PVRIG: variants seen among roughly 807,000 people sequenced by gnomAD.
The protein encoded by PVRIG is PVR related immunoglobulin domain containing, also known as transmembrane protein PVRIG.
Under a neutral mutation model 21.9 loss-of-function variants are expected in PVRIG, and 16 were observed. That is an observed-to-expected ratio of 0.73 (90% confidence interval 0.50 to 1.11). PVRIG has a LOEUF of 1.11. Among genes scored for constraint, PVRIG ranks in the 50% most tolerant of loss-of-function variants. PVRIG has a pLI of 0.00. For synonymous variants in PVRIG, 190 were observed against 181.0 expected (o/e 1.05, Z -0.40); for missense variants, 435 against 445.7 (o/e 0.98, Z 0.22).
exon 3 of PVRIG, chr7:100,220,223 C>G: frequency 6.3e-7 from 1 of 1,591,578 alleles, no homozygotes; most frequent in East Asian, 2.3e-5. Context: ...TGACTGTGAG[C>G]TGGGGGGGCC....
Position 100,219,968 on chromosome 7 carries a change from G to A in PVRIG, c.58G>A (p.Ala20Thr), listed in dbSNP as rs538218066. The A allele has an allele frequency of 3.0e-5, 48 of 1,578,138 alleles. 1 individual carries two copies. In the East Asian group the frequency reaches 1.1e-3, roughly 35 times the overall value. The change falls in exon 2 of 6, where the codon GCC (alanine) becomes ACC (threonine). Residue 20 changes from alanine to threonine, a missense_variant. Ala to Thr is a moderately conservative substitution (Grantham distance 58). Coordinates refer to ENST00000317271, the Ensembl canonical transcript of PVRIG. ...GCCCCCAGAACCTGGACTGGAGGGG[G>A]CCATGGGGCACCGGACCCTGGTCCT...
At chr7:100,221,187 G>T in exon 6 of PVRIG, 1 of 1,610,998 alleles carries the variant, frequency 6.2e-7, no homozygotes, top group Non-Finnish European at 8.5e-7. Flanking sequence ...ACTGGTCCCG[G>T]CCTCACTCTT....
rs375915346 is a variant in PVRIG at position 100,220,077 on chromosome 7, A to G, written c.119-37A>G. 7.9e-5 allele frequency: 127 copies of G among 1,603,134 alleles called. No individual in the cohort carries two copies. In the African/African-American group the frequency reaches 1.6e-3, roughly 20 times the overall value. On this transcript the variant is annotated intron_variant, in intron 2 of 5. Coordinates refer to ENST00000317271, the Ensembl canonical transcript of PVRIG. ...GCAGGGGCTGCAGGGAGGGTGATGT[A>G]GGACAACAGCCCACCGACCTTGCTG... is the stretch of plus-strand genomic sequence containing the variant.
rs201856689 is a variant in PVRIG, at chr7:100,220,833, C to G, written c.657+13C>G. The G allele has an allele frequency of 1.1e-5, 18 of 1,607,636 alleles. No homozygotes were observed. Among genetic ancestry groups the G allele is most frequent in the South Asian group, 2.2e-5 (2 of 90,894 alleles). On this transcript the variant is annotated intron_variant, in intron 5 of 5. Coordinates refer to ENST00000317271, the Ensembl canonical transcript of PVRIG. ...AGCACGAGCATGGGTGAGGAGGGGA[C>G]CTGCTTTGGGGATGAGGTGACAGGG...
In PVRIG at chr7:100,220,049, G is replaced by A. The variant is rs762784537; in HGVS notation, c.118+21G>A. The A allele has an allele frequency of 5.0e-6, 8 of 1,604,690 alleles. No homozygotes were observed. The South Asian group carries it at 9.0e-5, about 18-fold the overall frequency. On this transcript the variant is annotated intron_variant, in intron 2 of 5. Coordinates refer to ENST00000317271, the Ensembl canonical transcript of PVRIG. ...TGCGGGTGAGTGCCGGCACCAGAGA[G>A]GGGCAGGGGCTGCAGGGAGGGTGAT...
rs1803210558 is a variant in PVRIG at position 100,221,023 on chromosome 7, T to TG, written c.759dup (p.Pro254AlafsTer36). ...CTACTTTGGACACAGCTCACCCCCATGGGGGGCCGTCCTGGTGGGCGTCAC... is the reference window on the plus strand; with the variant it reads ...CTACTTTGGACACAGCTCACCCCCATGGGGGGGCCGTCCTGGTGGGCGTCAC... On this transcript the variant is annotated frameshift_variant, in exon 6 of 6. Transcript: ENST00000317271. LOFTEE classifies it low-confidence loss of function (END_TRUNC). The TG allele has an allele frequency of 3.7e-6, 6 of 1,612,438 alleles. No individual in the cohort carries two copies. Among genetic ancestry groups the TG allele is most frequent in the Non-Finnish European group, 5.1e-6 (6 of 1,179,008 alleles).
chr7:100,219,878 G>A (rs1464639432), exon 2 of PVRIG: 16 of 1,514,454 alleles, frequency 1.1e-5, no homozygotes, highest in African/African-American at 6.9e-5. Context: ...GGAAGTGGCT[G>A]TTTGGCTGCT....
chr7:100,220,391 C>T (rs778281002), exon 3 of PVRIG: 3 of 1,587,674 alleles, frequency 1.9e-6, no homozygotes, highest in Non-Finnish European at 2.6e-6. Flanking sequence ...ACACCACCTT[C>T]TGCTGCAAGT....
In PVRIG at chr7:100,219,936, C is replaced by T. The variant is rs778091190; in HGVS notation, c.26C>T (p.Ala9Val). ...ATGAGAACAGAGGCACAGGTGCCGGCCCTGCAGCCCCCAGAACCTGGACTG... is the reference window on the plus strand; with the variant it reads ...ATGAGAACAGAGGCACAGGTGCCGGTCCTGCAGCCCCCAGAACCTGGACTG... Residue 9 changes from alanine to valine, a missense_variant, in exon 2 of 6, where the codon GCC (alanine) becomes GTC (valine). Transcript: ENST00000317271. 109 of 1,550,372 alleles carry T rather than the reference C, an allele frequency of 7.0e-5. No individual in the cohort carries two copies. Among genetic ancestry groups the T allele is most frequent in the Admixed American group, 2.4e-4 (12 of 51,010 alleles).
chr7:100,220,465 G>T lies in PVRIG; in HGVS notation c.469+1G>T. 6.2e-7 allele frequency: 1 copy of T among 1,611,776 alleles called. No homozygotes were observed. Among genetic ancestry groups the T allele is most frequent in the Non-Finnish European group, 8.5e-7 (1 of 1,179,180 alleles). On this transcript the variant is annotated splice_donor_variant, in intron 3 of 5. Transcript: ENST00000317271. LOFTEE classifies it high-confidence loss of function. ...AGCCTCCCGCCCAGCTCAGACCCAG[G>T]TGGGGCCGGGGCGAGGGGTCCAGGA... is the stretch of plus-strand genomic sequence containing the variant.
At position 100,220,546 on chromosome 7, in the gene PVRIG, G is replaced by A; in HGVS notation, c.470-1G>A. 1.9e-6 allele frequency: 3 copies of A among 1,611,716 alleles called. No individual in the cohort carries two copies. Among genetic ancestry groups the A allele is most frequent in the Non-Finnish European group, 2.5e-6 (3 of 1,179,556 alleles). On this transcript the variant is annotated splice_acceptor_variant, in intron 3 of 5. Transcript: ENST00000317271. LOFTEE classifies it high-confidence loss of function. ...CATCTGATTCTTGTCTCCGTGCCCA[G>A]GGCTCTCTGCCCCGCCGACTCCTGC...
At chr7:100,219,636 G>A (rs868075056) in intron 1 of PVRIG, 36 of 541,178 alleles carry the variant, frequency 6.7e-5, no homozygotes, top group African/African-American at 1.2e-4. Flanking sequence ...AGGGAAGCCC[G>A]GCACCCCTTG....
chr7:100,220,169 C>T (rs751889406), exon 3 of PVRIG: 69 of 1,599,238 alleles, frequency 4.3e-5, no homozygotes, highest in Non-Finnish European at 5.0e-5. Context: ...TCTCGTCCTT[C>T]ACCATCCGTT....
chr7:100,220,267 T>C, exon 3 of PVRIG: 2 of 1,566,738 alleles, frequency 1.3e-6, no homozygotes, highest in South Asian at 1.2e-5. Flanking sequence ...CTGGCTGTGT[T>C]GCACCCAGAA....
chr7:100,219,292 A>C (rs991757381), exon 1 of PVRIG: 10 of 156,676 alleles, frequency 6.4e-5, no homozygotes, highest in African/African-American at 2.4e-4. Context: ...GTGCGTTGGA[A>C]GTGAAAGGGA....
chr7:100,221,308 CTTACT>C, exon 6 of PVRIG: 2 of 1,351,728 alleles, frequency 1.5e-6, no homozygotes, highest in Non-Finnish European at 2.0e-6. Context: ...GTGTCACCCC[CTTACT>C]TTAATTCTTG....
rs144843179 is a variant in PVRIG at position 100,220,377 on chromosome 7, G to A, written c.382G>A (p.Ala128Thr). The change falls in exon 3 of 6, where the codon GCC (alanine) becomes ACC (threonine). Residue 128 changes from alanine to threonine, a missense_variant. By Grantham distance (58) the Ala-to-Thr change is moderately conservative (BLOSUM62 0). Coordinates refer to ENST00000317271, the Ensembl canonical transcript of PVRIG. ...AGGCTCTGGGGCCAGCAGCCCCTGC[G>A]CCAACACCACCTTCTGCTGCAAGTT... The A allele has an allele frequency of 6.2e-4, 973 of 1,574,254 alleles. 5 individuals are homozygous for A. In the African/African-American group the frequency reaches 0.011, roughly 18 times the overall value.
chr7:100,220,849 GGTGACA>G, intron 5 of PVRIG, 29 bp downstream of exon 4: 1 of 1,605,664 alleles, frequency 6.2e-7, no homozygotes, highest in Non-Finnish European at 8.5e-7. Flanking sequence ...TTGGGGATGA[GGTGACA>G]GGGGCAGGGG....
chr7:100,220,867 AG>A (rs770210875), intron 5 of PVRIG, 47 bp downstream of exon 4: 9 of 1,600,692 alleles, frequency 5.6e-6, no homozygotes, highest in Admixed American at 1.8e-5. Flanking sequence ...GGGCAGGGGC[AG>A]GGGGGCCAGG....
Sources: gnomAD v4.1 joint callset for allele counts on GRCh38, gnomAD v4.1.1 for gene constraint, MANE v1.5 for transcripts, NCBI Gene and HGNC (gene_info 2026-07-23, HGNC 2026-07-21) for gene names.